Variants in MCF2L observed in about 807,000 individuals in gnomAD.
The protein encoded by MCF2L is MCF.2 cell line derived transforming sequence like.
In MCF2L, 97 loss-of-function variants were observed where a neutral mutation model predicts 153.4. The observed-to-expected ratio is 0.63, with a 90% confidence interval of 0.54 to 0.75. The LOEUF (loss-of-function observed/expected upper bound fraction) is 0.75. Among genes scored for constraint, MCF2L ranks in the 30% least tolerant of loss-of-function variants. MCF2L has a pLI of 0.00. For synonymous variants in MCF2L, 659 were observed against 632.2 expected (o/e 1.04, Z -0.64); for missense variants, 1,347 against 1,495.2 (o/e 0.90, Z 1.64).
intron 1 of MCF2L, among the ~76,000 whole-genome samples, chr13:113,014,071 T>C (rs1047248757): frequency 7.2e-5 from 11 of 152,206 alleles, no homozygotes; most frequent in African/African-American, 2.2e-4. Context: ...GACGCTGGCC[T>C]AGTGCTCCCA....
At chr13:112,986,836 C>T (rs1326539763) in intron 1 of MCF2L, among the ~76,000 whole-genome samples, 2 of 152,240 alleles carry the variant, frequency 1.3e-5, no homozygotes, top group African/African-American at 2.4e-5. Flanking sequence ...CCAACAGTGG[C>T]GCGTACGCTG....
Position 113,066,490 on chromosome 13 carries a change from C to T in MCF2L, c.881+320C>T, listed in dbSNP as rs1427559373. On this transcript the variant is annotated intron_variant, in intron 8 of 29. Transcript: ENST00000535094. ...CGATGGGAGTGCCTTAGACCTGGGG[C>T]TTCTGCATTCCAAGCGGGGCTTCCA... Among the ~76,000 whole-genome samples the T allele has an allele frequency of 2.0e-5, 3 of 152,352 alleles. No individual in the cohort carries two copies. In the East Asian group the frequency reaches 5.8e-4, roughly 29 times the overall value.
intron 2 of MCF2L, chr13:112,902,382 G>A: frequency 1.2e-6 from 2 of 1,609,784 alleles, no homozygotes; most frequent in Non-Finnish European, 1.7e-6. Context: ...GTAGGCGCCT[G>A]GTGCTGCGGC....
At chr13:112,949,195 C>T (rs1264401233) in intron 2 of MCF2L, among the ~76,000 whole-genome samples, 1 of 152,168 alleles carries the variant, frequency 6.6e-6, no homozygotes, top group Non-Finnish European at 1.5e-5. Flanking sequence ...CACAACTCAC[C>T]CAACAGGAAG....
intron 1 of MCF2L, among the ~76,000 whole-genome samples, chr13:112,986,699 G>GGCCTGCCT (rs1566692506): frequency 1.3e-5 from 2 of 152,230 alleles, no homozygotes; most frequent in African/African-American, 4.8e-5. Flanking sequence ...CTGCTGGGCG[G>GGCCTGCCT]GCCTGCCTGC....
At chr13:113,047,749 C>T (rs1185592539) in intron 4 of MCF2L, among the ~76,000 whole-genome samples, 2 of 152,252 alleles carry the variant, frequency 1.3e-5, no homozygotes, top group Non-Finnish European at 2.9e-5. Context: ...TCACACGGCT[C>T]ATGCCTCACT....
chr13:112,989,852 A>G (rs1265093376), intron 1 of MCF2L, among the ~76,000 whole-genome samples: 1 of 152,266 alleles, frequency 6.6e-6, no homozygotes, highest in Non-Finnish European at 1.5e-5. Context: ...GACCAGTTTC[A>G]TGGAAGATAA....
At position 113,045,035 on chromosome 13, in the gene MCF2L, A is replaced by G. The variant is rs2086721445; in HGVS notation, c.279-236A>G. The G allele has an allele frequency of 1.7e-6, 2 of 1,169,748 alleles. No individual in the cohort carries two copies. Among genetic ancestry groups the G allele is most frequent in the South Asian group, 3.0e-5 (2 of 67,690 alleles). 72.5% of individuals were successfully genotyped at this position (1,169,748 alleles called of 1,614,324 possible). On this transcript the variant is annotated intron_variant, in intron 3 of 29. Coordinates refer to ENST00000535094, the MANE Select transcript of MCF2L (RefSeq NM_001112732.3). The surrounding 1 kb of genome is among the most constrained non-coding windows in gnomAD (Gnocchi z 4.2). Reference sequence around the variant, plus strand: ...TCTGTGACTCGAGGTGGTTGGTGTTAGGCTGAGAAATAAGAACACACCAAA... The same window carrying G: ...TCTGTGACTCGAGGTGGTTGGTGTTGGGCTGAGAAATAAGAACACACCAAA...
rs56397038 is a variant in MCF2L, at chr13:113,073,029, CTTT to C, written c.997-1400_997-1398del. ...GTATTTTCTTTTTCATTTACTCCAG[CTTT>C]TTTTTTTTTTTTTTCCAATTTCCCT... On this transcript the variant is annotated intron_variant, in intron 9 of 29. Coordinates refer to ENST00000535094, the MANE Select transcript of MCF2L (RefSeq NM_001112732.3). 2.0e-3 allele frequency among the ~76,000 whole-genome samples: 272 copies of C among 137,844 alleles called. 1 individual carries two copies. Among genetic ancestry groups the C allele is most frequent in the African/African-American group, 4.2e-3 (157 of 37,064 alleles). 90.4% of individuals were successfully genotyped at this position (137,844 alleles called of 152,430 possible). A position where few individuals can be genotyped will look rare whatever the true frequency, so the allele number is the denominator to read the frequency against.
intron 2 of MCF2L, among the ~76,000 whole-genome samples, chr13:113,023,403 A>G (rs1210982611): frequency 1.3e-5 from 2 of 152,220 alleles, no homozygotes; most frequent in East Asian, 3.9e-4. Flanking sequence ...GGATCACTGG[A>G]TGGTAAAGCC....
chr13:112,968,879 CGGCGGTGACACGAATTTCTAGGTGACCTT>C (rs1365753645), upstream of MCF2L: 302 of 800,944 alleles, frequency 3.8e-4, 4 homozygotes, highest in South Asian at 3.5e-3. Context: ...CAGGGGACCT[CGGCGGTGACACGAATTTCTAGGTGACCTT>C]GGCGGTGACA....
chr13:112,934,646 C>T (rs182458519), intron 2 of MCF2L, among the ~76,000 whole-genome samples: 2 of 142,308 alleles, frequency 1.4e-5, no homozygotes, highest in East Asian at 2.2e-4. Context: ...CTGTGCTGCC[C>T]GTTCTCAGCC....
At chr13:113,026,960 G>T (rs1269829373) in intron 3 of MCF2L, 2 of 778,120 alleles carry the variant, frequency 2.6e-6, no homozygotes, top group African/African-American at 3.4e-5. Flanking sequence ...GCTCGTCCCA[G>T]CCTCCAGGAA....
intron 2 of MCF2L, chr13:112,956,270 G>A (rs1292662418): frequency 1.3e-5 from 2 of 152,208 alleles, no homozygotes; most frequent in Non-Finnish European, 2.9e-5. Flanking sequence ...AGAGATCCAG[G>A]TTAAAAAAAG....
At chr13:112,926,284 A>G (rs995132664) in intron 2 of MCF2L, among the ~76,000 whole-genome samples, 5 of 104,376 alleles carry the variant, frequency 4.8e-5, no homozygotes, top group Admixed American at 2.9e-4. Flanking sequence ...TACACAGCGG[A>G]GTGCTGCATG....
intron 1 of MCF2L, among the ~76,000 whole-genome samples, chr13:113,012,381 C>T (rs2084205192): frequency 1.1e-5 from 1 of 94,872 alleles, no homozygotes; most frequent in African/African-American, 3.8e-5. Context: ...GGTGGACAGG[C>T]AGTGTGGACG....
chr13:112,979,325 A>C (rs1219980921), intron 1 of MCF2L: 3 of 1,226,484 alleles, frequency 2.4e-6, no homozygotes, highest in Admixed American at 4.1e-5. Flanking sequence ...ACTTGCACAC[A>C]GCAGGCAGGC....
chr13:113,046,974 A>C lies in MCF2L; in HGVS notation c.369+1613A>C, dbSNP rs921665574. ...ATTGGCTCACAGTTCTGCAGGCTGC[A>C]CAGGCTTAGCACCTGCATCTTCTCA... On this transcript the variant is annotated intron_variant, in intron 4 of 29. Coordinates refer to ENST00000535094, the MANE Select transcript of MCF2L (RefSeq NM_001112732.3). The surrounding 1 kb of genome is among the most constrained non-coding windows in gnomAD (Gnocchi z 4.4). 7 of 194,564 alleles carry C rather than the reference A, an allele frequency of 3.6e-5. No individual in the cohort carries two copies. Among genetic ancestry groups the C allele is most frequent in the Non-Finnish European group, 6.3e-5 (6 of 95,196 alleles). 12.1% of individuals were successfully genotyped at this position (194,564 alleles called of 1,614,324 possible).
At chr13:112,996,591 T>G (rs2083143540) in intron 1 of MCF2L, among the ~76,000 whole-genome samples, 1 of 152,186 alleles carries the variant, frequency 6.6e-6, no homozygotes, top group Non-Finnish European at 1.5e-5. Flanking sequence ...AGGCCCTGCG[T>G]CTCCATCTTT....
Sources: gnomAD v4.1 joint callset for allele counts (sites outside exome capture counted in the v4.1 genomes callset) on GRCh38, gnomAD v4.1.1 for gene constraint, Gnocchi (gnomAD v3.1) non-coding constraint, MANE v1.5 for transcripts, NCBI Gene and HGNC (gene_info 2026-07-23, HGNC 2026-07-21) for gene names.